Variants in ANKRD28 observed in about 807,000 individuals in gnomAD.
The protein encoded by ANKRD28 is ankyrin repeat domain 28.
A neutral mutation model predicts 126.5 loss-of-function variants in ANKRD28; 44 were observed. That is an observed-to-expected ratio of 0.35 (90% confidence interval 0.27 to 0.45). ANKRD28 has a LOEUF of 0.45. ANKRD28 is among the 20% of genes least tolerant of loss of function. The pLI is 1.00. For synonymous variants in ANKRD28, 442 were observed against 468.5 expected, an observed-to-expected ratio of 0.94 and a Z score of 0.73; for missense variants, 1,110 against 1,316.6, an observed-to-expected ratio of 0.84 and a Z score of 2.43.
At chr3:15,737,295 A>G (rs1018960153) in intron 4 of ANKRD28, 62 bp from the exon 5 acceptor site, 1 of 1,411,546 alleles carries the variant, frequency 7.1e-7, no homozygotes, top group African/African-American at 1.4e-5. Context: ...TTATTTCTAT[A>G]TATAGTGTGC....
At chr3:15,819,896 T>C (rs1485629090) in intron 1 of ANKRD28, among the ~76,000 whole-genome samples, 3 of 152,142 alleles carry the variant, frequency 2.0e-5, no homozygotes, top group South Asian at 2.1e-4. Flanking sequence ...GAACCAATCA[T>C]AGGGCATGGT....
chr3:15,685,526 A>G (rs1481091105), intron 20 of ANKRD28, 81 bp from the exon 21 acceptor site: 1 of 1,249,320 alleles, frequency 8.0e-7, no homozygotes, highest in Non-Finnish European at 1.2e-6. Context: ...AAAACTTTAA[A>G]GACCATACTC....
At chr3:15,754,575 T>C (rs1259692361) in intron 3 of ANKRD28, among the ~76,000 whole-genome samples, 2 of 152,192 alleles carry the variant, frequency 1.3e-5, no homozygotes, top group Non-Finnish European at 2.9e-5. Flanking sequence ...AAAAAGAAAC[T>C]TGTGCATAGT....
At chr3:15,744,396 G>A (rs949609932) in intron 4 of ANKRD28, among the ~76,000 whole-genome samples, 11 of 151,098 alleles carry the variant, frequency 7.3e-5, no homozygotes, top group African/African-American at 2.2e-4. Flanking sequence ...TCACTGCCAC[G>A]TCTGCCTCCC....
intron 26 of ANKRD28, chr3:15,676,256 ACTTTT>A (rs1300441441): frequency 2.3e-5 from 8 of 346,300 alleles, no homozygotes; most frequent in East Asian, 4.4e-5. Context: ...TCCTTTTGTT[ACTTTT>A]CTTTTCAATG....
rs1028020164 is a variant in ANKRD28, at chr3:15,817,276, T to C, written c.28-21970A>G. Among the ~76,000 whole-genome samples, 7 of 150,978 alleles carry C rather than the reference T, an allele frequency of 4.6e-5. No homozygotes were observed. The Admixed American group carries it at 4.6e-4, about 10-fold the overall frequency. On this transcript the variant is annotated intron_variant, in intron 1 of 27. Coordinates refer to the ANKRD28 transcript ENST00000399451. This position sits in a 1 kb window ranked among gnomAD's most constrained non-coding sequence, Gnocchi z 4.5. ...TAGAAGTACCATGGTTTTTTTTTCC[T>C]TGTTATTTTGTTTTTGTCCCAACTA...
At chr3:15,709,279 A>G (rs2071898857) in intron 13 of ANKRD28, among the ~76,000 whole-genome samples, 2 of 152,240 alleles carry the variant, frequency 1.3e-5, no homozygotes, top group Admixed American at 1.3e-4. Context: ...TATGGGCAGT[A>G]GAATCCCTCA....
chr3:15,797,681 T>A lies in ANKRD28; in HGVS notation c.-1160A>T. On this transcript the variant is annotated 5_prime_UTR_variant, in exon 1 of 28. An upstream start codon of the reference 5' UTR is lost. Transcript: ENST00000683139. ...AGAGAAAAAAATAGCAGACTGTGCATCTTCTTTGAGCCAACTACTTTATTC... is the reference window on the plus strand; with the variant it reads ...AGAGAAAAAAATAGCAGACTGTGCAACTTCTTTGAGCCAACTACTTTATTC... 1.0e-6 allele frequency: 1 copy of A among 985,402 alleles called. No homozygotes were observed. Among genetic ancestry groups the A allele is most frequent in the Non-Finnish European group, 1.2e-6 (1 of 829,930 alleles). 61.0% of individuals were successfully genotyped at this position (985,402 alleles called of 1,614,324 possible).
intron 17 of ANKRD28, among the ~76,000 whole-genome samples, chr3:15,692,454 C>A (rs538442512): frequency 7.2e-5 from 11 of 152,048 alleles, no homozygotes; most frequent in Non-Finnish European, 1.5e-4. Context: ...TGAAAAACAA[C>A]AGCAAAAATA....
At chr3:15,678,758 G>A (rs1177125336) in intron 23 of ANKRD28, among the ~76,000 whole-genome samples, 1 of 152,026 alleles carries the variant, frequency 6.6e-6, no homozygotes, top group Non-Finnish European at 1.5e-5. Context: ...AAACAAATTC[G>A]AAAGAGAGGG....
chr3:15,779,943 C>T (rs1366997198), intron 2 of ANKRD28, among the ~76,000 whole-genome samples: 2 of 152,058 alleles, frequency 1.3e-5, no homozygotes, highest in African/African-American at 4.8e-5. Context: ...CCTGTAAAGG[C>T]CAAAAATGGC....
chr3:15,764,895 A>T (rs1331737331), intron 3 of ANKRD28, among the ~76,000 whole-genome samples: 2 of 152,246 alleles, frequency 1.3e-5, no homozygotes, highest in Non-Finnish European at 2.9e-5. Flanking sequence ...TTAATTTTAT[A>T]TGATCATGAA....
chr3:15,755,339 A>G (rs9812334), intron 3 of ANKRD28, among the ~76,000 whole-genome samples: 14,605 of 152,212 alleles, frequency 0.096, 2,138 homozygotes, highest in African/African-American at 0.31. Context: ...AGTAATGTAC[A>G]CTACAAGAGC....
intron 2 of ANKRD28, among the ~76,000 whole-genome samples, chr3:15,776,294 T>G (rs2059263288): frequency 6.6e-6 from 1 of 152,174 alleles, no homozygotes; most frequent in African/African-American, 2.4e-5. Context: ...ACTATAGAAA[T>G]GCACGCTTAT....
rs1164822063 is a variant in ANKRD28 at position 15,679,475 on chromosome 3, C to A, written c.2477+1G>T. ...ATCTGATTCATTCTGGCTTTACTTA[C>A]ACGGCACAATGCAATGGACTAAAAG... On this transcript the variant is annotated splice_donor_variant, in intron 22 of 27. Coordinates refer to ENST00000683139, the MANE Select transcript of ANKRD28 (RefSeq NM_001349278.2). LOFTEE classifies it high-confidence loss of function. 1 of 1,613,892 alleles carries A rather than the reference C, an allele frequency of 6.2e-7. No individual in the cohort carries two copies. Among genetic ancestry groups the A allele is most frequent in the Non-Finnish European group, 8.5e-7 (1 of 1,179,826 alleles).
chr3:15,674,441 T>A (rs1268817709), intron 27 of ANKRD28, among the ~76,000 whole-genome samples: 1 of 152,136 alleles, frequency 6.6e-6, no homozygotes, highest in East Asian at 1.9e-4. Context: ...AGCATGATGC[T>A]GTGGGGAGAG....
chr3:15,821,489 C>G (rs1202678983), intron 1 of ANKRD28, among the ~76,000 whole-genome samples: 1 of 152,062 alleles, frequency 6.6e-6, no homozygotes, highest in Non-Finnish European at 1.5e-5. Context: ...TACTTATATT[C>G]AGCTCACTCA....
At chr3:15,785,273 A>G (rs1445732389) in intron 2 of ANKRD28, among the ~76,000 whole-genome samples, 2 of 152,144 alleles carry the variant, frequency 1.3e-5, no homozygotes, top group Non-Finnish European at 2.9e-5. Flanking sequence ...ACATTGCCTA[A>G]GAATGAAAAG....
chr3:15,679,103 C>T (rs752970720), intron 23 of ANKRD28, among the ~76,000 whole-genome samples, 198 bp downstream of exon 23: 2 of 151,884 alleles, frequency 1.3e-5, no homozygotes, highest in Non-Finnish European at 2.9e-5. Flanking sequence ...GCCTCCTGAA[C>T]AGCTGGGATC....
Sources: gnomAD v4.1 joint callset for allele counts (sites outside exome capture counted in the v4.1 genomes callset) on GRCh38, gnomAD v4.1.1 for gene constraint, Gnocchi (gnomAD v3.1) non-coding constraint, MANE v1.5 for transcripts, NCBI Gene and HGNC (gene_info 2026-07-23, HGNC 2026-07-21) for gene names.